Variants in NRXN1 observed in about 807,000 individuals in gnomAD.
NRXN1 encodes neurexin-1.
Under a neutral mutation model 150.9 loss-of-function variants are expected in NRXN1, and 39 were observed. That is an observed-to-expected ratio of 0.26 (90% CI 0.20 to 0.34). The LOEUF (loss-of-function observed/expected upper bound fraction) is 0.34. Among genes scored for constraint, NRXN1 ranks in the 10% least tolerant of loss-of-function variants. The probability of loss-of-function intolerance (pLI) is 1.00; values close to 1 mark genes in which losing one functional copy is unlikely to be tolerated. For synonymous variants in NRXN1, 924 were observed against 757.0 expected (o/e 1.22, Z -3.62); for missense variants, 1,815 against 1,949.9 (o/e 0.93, Z 1.30).
At chr2:50,692,633 T>C (rs952678606) in intron 5 of NRXN1, among the ~76,000 whole-genome samples, 9 of 152,204 alleles carry the variant, frequency 5.9e-5, no homozygotes, top group Admixed American at 1.3e-4. Flanking sequence ...AAAAGCTATT[T>C]TTGTAATCTC....
At chr2:50,431,231 C>T (rs2084938223) in intron 17 of NRXN1, among the ~76,000 whole-genome samples, 2 of 152,200 alleles carry the variant, frequency 1.3e-5, no homozygotes, top group Non-Finnish European at 2.9e-5. Flanking sequence ...CCAGTTCCCT[C>T]CACTAATCAC....
intron 6 of NRXN1, among the ~76,000 whole-genome samples, chr2:50,622,741 G>T (rs1680258772): frequency 6.6e-6 from 1 of 152,026 alleles, no homozygotes; most frequent in Non-Finnish European, 1.5e-5. Flanking sequence ...GAGTCATTTG[G>T]GGTTTAACTT....
intron 2 of NRXN1, among the ~76,000 whole-genome samples, chr2:51,018,421 C>G (rs1284627975): frequency 6.6e-6 from 1 of 152,018 alleles, no homozygotes; most frequent in African/African-American, 2.4e-5. Flanking sequence ...CTTTGGCTTG[C>G]CAGGTCAGAC....
chr2:50,427,149 C>A (rs927342362), intron 17 of NRXN1, among the ~76,000 whole-genome samples: 7 of 152,118 alleles, frequency 4.6e-5, no homozygotes, highest in Non-Finnish European at 8.8e-5. Context: ...TCATCTAAAT[C>A]TATTTTTGTG....
intron 5 of NRXN1, among the ~76,000 whole-genome samples, chr2:50,842,699 AC>A (rs1292698645): frequency 6.6e-6 from 1 of 152,090 alleles, no homozygotes; most frequent in Non-Finnish European, 1.5e-5. Flanking sequence ...TACATAAATG[AC>A]CCCCAAAGTG....
chr2:50,953,162 G>C (rs200192523), intron 2 of NRXN1, among the ~76,000 whole-genome samples: 2 of 152,138 alleles, frequency 1.3e-5, no homozygotes, highest in East Asian at 3.9e-4. Flanking sequence ...GATGAGTATA[G>C]ACCCATTATG....
At chr2:50,944,247 C>T (rs1196179095) in intron 2 of NRXN1, among the ~76,000 whole-genome samples, 1 of 152,074 alleles carries the variant, frequency 6.6e-6, no homozygotes, top group Non-Finnish European at 1.5e-5. Context: ...CCATTTTAGG[C>T]ACTGGTTACA....
chr2:50,363,792 T>G (rs11125299), intron 17 of NRXN1, among the ~76,000 whole-genome samples: 87,495 of 152,056 alleles, frequency 0.58, 27,525 homozygotes, highest in East Asian at 0.92. Flanking sequence ...ATATGCACAT[T>G]TATGTTTATT....
At chr2:50,614,200 G>A (rs1678658988) in intron 8 of NRXN1, among the ~76,000 whole-genome samples, 1 of 152,096 alleles carries the variant, frequency 6.6e-6, no homozygotes, top group African/African-American at 2.4e-5. Context: ...GAAAAGTCTA[G>A]AGGAAATGAA....
chr2:50,419,585 G>A (rs1289766797), intron 17 of NRXN1, among the ~76,000 whole-genome samples: 1 of 151,490 alleles, frequency 6.6e-6, no homozygotes, highest in Non-Finnish European at 1.5e-5. Flanking sequence ...AAGAAAGGAA[G>A]GGAGGCAATA....
chr2:50,392,098 C>A (rs1393904483), intron 17 of NRXN1, among the ~76,000 whole-genome samples: 1 of 152,104 alleles, frequency 6.6e-6, no homozygotes, highest in East Asian at 1.9e-4. Flanking sequence ...CTGTTCATCA[C>A]CAATACAGCC....
intron 21 of NRXN1, among the ~76,000 whole-genome samples, chr2:50,037,484 T>C (rs946740810): frequency 2.0e-5 from 3 of 152,200 alleles, no homozygotes; most frequent in Non-Finnish European, 4.4e-5. Context: ...ATACCTGGTT[T>C]TTCATTCTGG....
intron 18 of NRXN1, among the ~76,000 whole-genome samples, chr2:50,220,744 T>C (rs1314631404): frequency 6.6e-6 from 1 of 151,834 alleles, no homozygotes; most frequent in East Asian, 1.9e-4. Context: ...GTATATCAGA[T>C]TTTTTTTCCA....
At chr2:50,066,045 G>A (rs573593066) in intron 19 of NRXN1, among the ~76,000 whole-genome samples, 15 of 152,106 alleles carry the variant, frequency 9.9e-5, no homozygotes, top group Admixed American at 6.5e-4. Flanking sequence ...AACTCAAGGC[G>A]TATATTTACA....
intron 5 of NRXN1, among the ~76,000 whole-genome samples, chr2:50,650,642 G>A (rs963854571): frequency 5.9e-5 from 9 of 151,982 alleles, no homozygotes; most frequent in African/African-American, 2.2e-4. Flanking sequence ...TTTTCCAAAT[G>A]CCAGACAATG....
intron 2 of NRXN1, among the ~76,000 whole-genome samples, chr2:51,011,096 C>T (rs1344798209): frequency 1.3e-5 from 2 of 151,962 alleles, no homozygotes; most frequent in Non-Finnish European, 2.9e-5. Context: ...TTAATATTTT[C>T]AACAAGCTAA....
intron 5 of NRXN1, among the ~76,000 whole-genome samples, chr2:50,711,922 C>T (rs908033225): frequency 2.0e-5 from 3 of 152,066 alleles, no homozygotes; most frequent in African/African-American, 4.8e-5. Context: ...AGACACCAGA[C>T]GCCGGCACCT....
intron 2 of NRXN1, among the ~76,000 whole-genome samples, chr2:50,963,762 C>G (rs1242656253): frequency 6.6e-6 from 1 of 151,608 alleles, no homozygotes; most frequent in Admixed American, 6.6e-5. Context: ...CTATTCTGTT[C>G]ATGAAGAATG....
At chr2:50,006,634 C>T (rs1684810396) in intron 21 of NRXN1, among the ~76,000 whole-genome samples, 1 of 152,156 alleles carries the variant, frequency 6.6e-6, no homozygotes, top group Non-Finnish European at 1.5e-5. Flanking sequence ...TTGATATACC[C>T]ACCTTTAAAG....
Sources: allele counts gnomAD v4.1 joint callset (sites outside exome capture counted in the v4.1 genomes callset), GRCh38; gene constraint gnomAD v4.1.1; transcripts MANE v1.5; gene names NCBI Gene and HGNC (gene_info 2026-07-23, HGNC 2026-07-21).